The following SSBP3 variants were observed in gnomAD, a reference collection of about 807,000 sequenced individuals.
The protein encoded by SSBP3 is single-stranded DNA-binding protein 3.
Under a neutral mutation model 69.6 loss-of-function variants are expected in SSBP3, and 5 were observed. The ratio of observed to expected loss-of-function variants is 0.07; its 90% CI spans 0.04 to 0.15. The LOEUF is 0.15. Among genes scored for constraint, SSBP3 ranks in the 10% least tolerant of loss-of-function variants. The probability of loss-of-function intolerance (pLI) is 1.00; values close to 1 mark genes in which losing one functional copy is unlikely to be tolerated. For missense variants in SSBP3, 312 were observed against 534.0 expected (o/e 0.58, Z 4.10); for synonymous variants, 196 against 193.4 (o/e 1.01, Z -0.11).
intron 4 of SSBP3, among the ~76,000 whole-genome samples, chr1:54,365,857 C>T (rs1488540988): frequency 6.6e-6 from 1 of 152,202 alleles, no homozygotes. Context: ...TCTAGAAGAA[C>T]TAGTTTGCCT....
intron 4 of SSBP3, among the ~76,000 whole-genome samples, chr1:54,346,015 T>C (rs1646684344): frequency 6.6e-6 from 1 of 151,354 alleles, no homozygotes; most frequent in Admixed American, 6.6e-5. Context: ...CAAAAACAAT[T>C]AGCCAAGTGT....
At chr1:54,393,478 C>T (rs1648642824) in intron 4 of SSBP3, among the ~76,000 whole-genome samples, 1 of 152,038 alleles carries the variant, frequency 6.6e-6, no homozygotes, top group Admixed American at 6.6e-5. Context: ...CAGACCAGGC[C>T]GGAGGTGAGG....
intron 14 of SSBP3, among the ~76,000 whole-genome samples, chr1:54,232,344 T>C (rs1255392043): frequency 6.6e-6 from 1 of 152,174 alleles, no homozygotes; most frequent in Non-Finnish European, 1.5e-5. Context: ...TCACCCAAGC[T>C]AGAGTGCACT....
In SSBP3 at chr1:54,362,256, C is replaced by A. The variant is rs555172492; in HGVS notation, c.276+39605G>T. On this transcript the variant is annotated intron_variant, in intron 4 of 17. Transcript: ENST00000610401. ...CCCAAGAGCGAGCTCAGTAACCCTG[C>A]CAGCAGTGGACCATCCTGGCAGCAA... Among the ~76,000 whole-genome samples the A allele has an allele frequency of 2.6e-5, 4 of 152,328 alleles. No homozygotes were observed. In the South Asian group the frequency reaches 8.3e-4, roughly 32 times the overall value.
At chr1:54,283,920 T>A (rs2100897038) in intron 4 of SSBP3, among the ~76,000 whole-genome samples, 1 of 152,284 alleles carries the variant, frequency 6.6e-6, no homozygotes, top group Middle Eastern at 3.4e-3. Context: ...CTGTGGTCAG[T>A]GGTTCTGTGA....
At chr1:54,325,378 C>A (rs1646282874) in intron 4 of SSBP3, 1 of 167,130 alleles carries the variant, frequency 6.0e-6, no homozygotes, top group African/African-American at 2.4e-5. Context: ...CTTCTCTAGG[C>A]CCAAGCATCA....
intron 4 of SSBP3, among the ~76,000 whole-genome samples, chr1:54,290,476 T>C (rs1645584234): frequency 6.6e-6 from 1 of 152,174 alleles, no homozygotes; most frequent in Non-Finnish European, 1.5e-5. Context: ...CTGAAAGCTG[T>C]GGAAAGACTT....
upstream of SSBP3, among the ~76,000 whole-genome samples, chr1:54,409,152 C>T (rs1649924953): frequency 6.6e-6 from 1 of 152,146 alleles, no homozygotes; most frequent in Non-Finnish European, 1.5e-5. Context: ...CCCCCCAGGC[C>T]ACATCTTTGG....
At chr1:54,233,295 G>A (rs1304750593) in intron 14 of SSBP3, among the ~76,000 whole-genome samples, 6 of 148,138 alleles carry the variant, frequency 4.1e-5, no homozygotes, top group Non-Finnish European at 7.4e-5. Context: ...TGTGAGGAGC[G>A]CCTCTGCCCG....
At chr1:54,272,484 T>C (rs1486926646) in intron 5 of SSBP3, among the ~76,000 whole-genome samples, 1 of 123,962 alleles carries the variant, frequency 8.1e-6, no homozygotes, top group East Asian at 2.3e-4. Context: ...TTTGACCTTT[T>C]TTTTAAAAAA....
intron 4 of SSBP3, among the ~76,000 whole-genome samples, chr1:54,311,380 A>G (rs1260402973): frequency 6.6e-6 from 1 of 152,184 alleles, no homozygotes; most frequent in Admixed American, 6.5e-5. Flanking sequence ...AAGTGGGTCC[A>G]AGCCCTACTG....
At chr1:54,407,014 C>T (rs112137966), upstream of SSBP3, among the ~76,000 whole-genome samples, 1 of 152,050 alleles carries the variant, frequency 6.6e-6, no homozygotes, top group Non-Finnish European at 1.5e-5. Context: ...GCGCCGGGCC[C>T]GGGGCTCCAC....
chr1:54,238,389 TG>T (rs1644538283), intron 14 of SSBP3: 4 of 464,332 alleles, frequency 8.6e-6, no homozygotes, highest in African/African-American at 8.0e-5. Context: ...GGGGCAAGGC[TG>T]AACAGGTTCA....
chr1:54,369,241 T>TC (rs1209458693), intron 4 of SSBP3, among the ~76,000 whole-genome samples: 1 of 125,470 alleles, frequency 8.0e-6, no homozygotes. Context: ...CAAGCCAGGC[T>TC]CCCTGGGAAA....
intron 4 of SSBP3, among the ~76,000 whole-genome samples, chr1:54,292,576 C>T (rs1645627769): frequency 6.6e-6 from 1 of 152,144 alleles, no homozygotes. Context: ...CCCCTGCTGC[C>T]CTTCAAACCC....
intron 4 of SSBP3, among the ~76,000 whole-genome samples, chr1:54,373,839 C>T (rs981948728): frequency 1.3e-5 from 2 of 151,844 alleles, no homozygotes; most frequent in Admixed American, 1.3e-4. Flanking sequence ...TCCCTACTCA[C>T]ACCCAGGGGC....
intron 4 of SSBP3, among the ~76,000 whole-genome samples, chr1:54,363,088 T>C (rs887785081): frequency 6.6e-6 from 1 of 152,116 alleles, no homozygotes. Context: ...CTAGAGGTCA[T>C]TCCTGGGATG....
intron 4 of SSBP3, among the ~76,000 whole-genome samples, chr1:54,310,964 C>T (rs78648189): frequency 0.01 from 1,587 of 152,250 alleles, 24 homozygotes; most frequent in African/African-American, 0.036. Context: ...CTGGAAGGAC[C>T]GCAGGTCCCC....
At chr1:54,257,992 T>C in intron 6 of SSBP3, 77 bp downstream of exon 6, 1 of 1,410,360 alleles carries the variant, frequency 7.1e-7, no homozygotes, top group Non-Finnish European at 9.6e-7. Flanking sequence ...ATTTTGATTT[T>C]TGTTTTTCCT....
Sources: gnomAD v4.1 joint callset for allele counts (sites outside exome capture counted in the v4.1 genomes callset) on GRCh38, gnomAD v4.1.1 for gene constraint, MANE v1.5 for transcripts, NCBI Gene and HGNC (gene_info 2026-07-23, HGNC 2026-07-21) for gene names.